CADPS2: variants seen among roughly 807,000 people sequenced by gnomAD.
CADPS2 encodes the protein calcium-dependent secretion activator 2.
Under a neutral mutation model 172.5 loss-of-function variants are expected in CADPS2, and 93 were observed. The ratio of observed to expected loss-of-function variants is 0.54; its 90% CI spans 0.46 to 0.64. CADPS2 has a LOEUF of 0.64. CADPS2 is among the 30% of genes least tolerant of loss of function. CADPS2 has a pLI of 0.00. For missense variants in CADPS2, 1,420 were observed against 1,565.9 expected (o/e 0.91, Z 1.57); for synonymous variants, 546 against 555.2 (o/e 0.98, Z 0.23).
At chr7:122,765,668 T>A (rs1009230176) in intron 1 of CADPS2, among the ~76,000 whole-genome samples, 4 of 152,128 alleles carry the variant, frequency 2.6e-5, no homozygotes, top group African/African-American at 9.7e-5. Context: ...AGAACAACAA[T>A]AAAAATTATA....
intron 6 of CADPS2, among the ~76,000 whole-genome samples, chr7:122,583,932 T>G (rs1263916042): frequency 5.9e-5 from 9 of 151,462 alleles, no homozygotes. Flanking sequence ...TGCTCTAGTT[T>G]ATGAAACATT....
At chr7:122,729,964 T>C (rs148373192) in intron 2 of CADPS2, among the ~76,000 whole-genome samples, 140 of 151,846 alleles carry the variant, frequency 9.2e-4, no homozygotes, top group African/African-American at 3.1e-3. Flanking sequence ...TAAAATGAAG[T>C]GTAGTCTCTA....
intron 20 of CADPS2, among the ~76,000 whole-genome samples, chr7:122,404,680 C>G (rs765270065): frequency 5.9e-5 from 9 of 152,122 alleles, no homozygotes; most frequent in African/African-American, 1.4e-4. Flanking sequence ...TTAATGATTA[C>G]TATTCTAACT....
At chr7:122,361,382 C>T (rs560250319) in intron 25 of CADPS2, among the ~76,000 whole-genome samples, 26 of 151,832 alleles carry the variant, frequency 1.7e-4, no homozygotes, top group Non-Finnish European at 2.4e-4. Flanking sequence ...TACAGGCGTC[C>T]GCCACCACAC....
At chr7:122,702,134 T>C in intron 2 of CADPS2, 3 of 1,613,676 alleles carry the variant, frequency 1.9e-6, no homozygotes, top group Non-Finnish European at 2.5e-6. Context: ...GCAATCTAAG[T>C]AAAAGTAGGC....
intron 2 of CADPS2, among the ~76,000 whole-genome samples, chr7:122,709,816 C>G (rs1341135430): frequency 6.6e-6 from 1 of 151,654 alleles, no homozygotes; most frequent in Non-Finnish European, 1.5e-5. Flanking sequence ...GACAAAAAAC[C>G]AAACACCACA....
At chr7:122,416,612 T>C (rs1458812191) in intron 17 of CADPS2, among the ~76,000 whole-genome samples, 1 of 152,180 alleles carries the variant, frequency 6.6e-6, no homozygotes, top group Non-Finnish European at 1.5e-5. Flanking sequence ...ATGTCTATAG[T>C]TCATGTTGAT....
In CADPS2 at chr7:122,659,310, T is replaced by TAAAAAA. The variant is rs34582432; in HGVS notation, c.786+3921_786+3926dup. On this transcript the variant is annotated intron_variant, in intron 3 of 29. Transcript: ENST00000449022. Reference sequence around the variant, plus strand: ...AAAAATCAAAAGGAAATGCTAGACATAAAAAAAAAAAAAAAACACCGTGGA... The same window carrying TAAAAAA: ...AAAAATCAAAAGGAAATGCTAGACATAAAAAAAAAAAAAAAAAAAAAACACCGTGGA... 4.2e-4 allele frequency among the ~76,000 whole-genome samples: 54 copies of TAAAAAA among 129,108 alleles called. 2 individuals carry two copies. The highest frequency in any genetic ancestry group is 5.9e-4 in the African/African-American group (20 of 33,790). 84.7% of individuals were successfully genotyped at this position (129,108 alleles called of 152,430 possible).
At chr7:122,367,893 C>T (rs2041188249) in intron 25 of CADPS2, among the ~76,000 whole-genome samples, 1 of 151,892 alleles carries the variant, frequency 6.6e-6, no homozygotes, top group African/African-American at 2.4e-5. Context: ...AGCTTCTTGC[C>T]TGCATTCATG....
chr7:122,721,088 T>C (rs960740625), intron 2 of CADPS2, among the ~76,000 whole-genome samples: 1 of 151,992 alleles, frequency 6.6e-6, no homozygotes, highest in African/African-American at 2.4e-5. Context: ...CTAGGTTTGC[T>C]CAACACAAAA....
chr7:122,618,157 A>G (rs2075172350), intron 5 of CADPS2, among the ~76,000 whole-genome samples: 1 of 152,130 alleles, frequency 6.6e-6, no homozygotes, highest in Admixed American at 6.5e-5. Context: ...ATTATTGAAC[A>G]GCTTAGCGTT....
At chr7:122,540,700 A>T (rs2062822336) in intron 8 of CADPS2, among the ~76,000 whole-genome samples, 1 of 152,154 alleles carries the variant, frequency 6.6e-6, no homozygotes, top group African/African-American at 2.4e-5. Flanking sequence ...TAAAGACAAG[A>T]TTGTAGTTAT....
chr7:122,713,818 A>T (rs563049193), intron 2 of CADPS2, among the ~76,000 whole-genome samples: 20 of 152,196 alleles, frequency 1.3e-4, no homozygotes, highest in Admixed American at 1.2e-3. Flanking sequence ...CTTACTTATT[A>T]TACATTTTAT....
At chr7:122,688,739 C>A (rs1297429673) in intron 2 of CADPS2, among the ~76,000 whole-genome samples, 1 of 147,750 alleles carries the variant, frequency 6.8e-6, no homozygotes, top group Non-Finnish European at 1.5e-5. Context: ...GATGAGCCTT[C>A]CCATTTTATG....
At chr7:122,687,927 TTTAA>T (rs1467849245) in intron 2 of CADPS2, among the ~76,000 whole-genome samples, 1 of 152,242 alleles carries the variant, frequency 6.6e-6, no homozygotes, top group African/African-American at 2.4e-5. Context: ...ATTTATCTCA[TTTAA>T]TTAGTCTAAG....
chr7:122,747,654 GAA>G (rs1411913388), intron 1 of CADPS2, among the ~76,000 whole-genome samples: 3 of 152,114 alleles, frequency 2.0e-5, no homozygotes. Context: ...GAGAATTTAA[GAA>G]AGTTACCCAG....
At chr7:122,633,973 T>C (rs903761951) in intron 3 of CADPS2, among the ~76,000 whole-genome samples, 2 of 152,234 alleles carry the variant, frequency 1.3e-5, no homozygotes, top group African/African-American at 2.4e-5. Context: ...GTTCTGTTTA[T>C]GTGGTGAATT....
At chr7:122,454,294 C>CA (rs1392511477) in intron 14 of CADPS2, among the ~76,000 whole-genome samples, 1 of 151,758 alleles carries the variant, frequency 6.6e-6, no homozygotes, top group Non-Finnish European at 1.5e-5. Context: ...GTCTCCTTTC[C>CA]AAAAGAGAAG....
At position 122,369,135 on chromosome 7, in the gene CADPS2, C is replaced by G. The variant is rs1410830863; in HGVS notation, c.3388-8122G>C. On this transcript the variant is annotated intron_variant, in intron 25 of 29. Transcript: ENST00000449022. The stretch of plus-strand genomic sequence containing the variant: ...CTAGAAGAATTTTTGTTTCCCCCCC[C>G]CCCCCCCTTTTTTTTTTTTTGAGTC... Among the ~76,000 whole-genome samples the G allele has an allele frequency of 1.4e-3, 135 of 94,954 alleles. 2 individuals are homozygous for G. The East Asian group carries it at 0.03, about 21-fold the overall frequency. The allele number at this position is 94,954 out of a possible 152,430, so 62.3% of individuals were successfully genotyped here.
Sources: gnomAD v4.1 joint callset for allele counts (sites outside exome capture counted in the v4.1 genomes callset) on GRCh38, gnomAD v4.1.1 for gene constraint, MANE v1.5 for transcripts, NCBI Gene and HGNC (gene_info 2026-07-23, HGNC 2026-07-21) for gene names.